G2E3: variants seen among roughly 807,000 people sequenced by gnomAD.
G2E3 encodes G2/M phase-specific E3 ubiquitin-protein ligase.
Under a neutral mutation model 92.8 loss-of-function variants are expected in G2E3, and 35 were observed. The ratio of observed to expected loss-of-function variants is 0.38; its 90% CI spans 0.29 to 0.50. The LOEUF (loss-of-function observed/expected upper bound fraction) is 0.50, where lower values mean the gene tolerates loss of function less well. Ranked by LOEUF, G2E3 falls within the 20% of genes least tolerant of loss-of-function variation. The probability of loss-of-function intolerance (pLI) is 0.94; values close to 1 mark genes in which losing one functional copy is unlikely to be tolerated. For missense variants in G2E3, 554 were observed against 823.8 expected (o/e 0.67, Z 4.01); for synonymous variants, 242 against 272.4 (o/e 0.89, Z 1.10).
intron 3 of G2E3, among the ~76,000 whole-genome samples, chr14:30,588,026 G>A (rs1880806542): frequency 6.6e-6 from 1 of 152,052 alleles, no homozygotes; most frequent in African/African-American, 2.4e-5. Context: ...AGTATTCCTT[G>A]GTCCTCTAAG....
At chr14:30,600,215 A>C (rs1216332866) in intron 8 of G2E3, among the ~76,000 whole-genome samples, 3 of 152,174 alleles carry the variant, frequency 2.0e-5, no homozygotes, top group Non-Finnish European at 4.4e-5. Flanking sequence ...GCTACTACTT[A>C]ATTGTGAAGA....
chr14:30,607,593 C>A (rs914032049), intron 11 of G2E3, among the ~76,000 whole-genome samples: 4 of 152,096 alleles, frequency 2.6e-5, no homozygotes, highest in Non-Finnish European at 5.9e-5. Flanking sequence ...TTTGGTCATT[C>A]TTGACCACAA....
intron 1 of G2E3, among the ~76,000 whole-genome samples, chr14:30,579,468 C>T (rs911207311): frequency 2.0e-5 from 3 of 152,234 alleles, no homozygotes; most frequent in South Asian, 2.1e-4. Flanking sequence ...AAATCCAAAA[C>T]ACTTTTTACA....
At chr14:30,601,590 A>G (rs1057179644) in intron 8 of G2E3, among the ~76,000 whole-genome samples, 180 bp from the exon 9 acceptor site, 10 of 152,168 alleles carry the variant, frequency 6.6e-5, no homozygotes, top group African/African-American at 1.7e-4. Flanking sequence ...GTGATAAGTT[A>G]GTTTTGGTTT....
At chr14:30,581,026 A>G (rs1226604906) in intron 1 of G2E3, 50 bp from the exon 2 acceptor site, 4 of 984,700 alleles carry the variant, frequency 4.1e-6, no homozygotes, top group Non-Finnish European at 6.5e-6. Context: ...AAAGTTGTTA[A>G]TTTGAGACTT....
intron 10 of G2E3, among the ~76,000 whole-genome samples, chr14:30,603,659 T>C (rs1473171010): frequency 6.6e-6 from 1 of 152,156 alleles, no homozygotes; most frequent in Non-Finnish European, 1.5e-5. Context: ...CTGGGCAATA[T>C]TACGAAACTC....
intron 8 of G2E3, 79 bp from the exon 9 acceptor site, chr14:30,601,691 G>T: frequency 7.2e-7 from 1 of 1,380,972 alleles, no homozygotes; most frequent in African/African-American, 1.4e-5. Context: ...GTGTAAGAAG[G>T]CAGGCCCTGT....
At chr14:30,571,703 A>G (rs1394666953) in intron 1 of G2E3, among the ~76,000 whole-genome samples, 1 of 152,042 alleles carries the variant, frequency 6.6e-6, no homozygotes, top group Non-Finnish European at 1.5e-5. Flanking sequence ...TTACCTTGGT[A>G]TCTTTGTTGA....
intron 8 of G2E3, 103 bp downstream of exon 8, chr14:30,598,702 T>G (rs1293946611): frequency 1.2e-6 from 1 of 807,588 alleles, no homozygotes; most frequent in African/African-American, 1.7e-5. Flanking sequence ...TCTTAGGATG[T>G]TAGAAGTTTA....
intron 1 of G2E3, among the ~76,000 whole-genome samples, chr14:30,568,314 C>T (rs1326017460): frequency 6.6e-6 from 1 of 152,062 alleles, no homozygotes; most frequent in Non-Finnish European, 1.5e-5. Flanking sequence ...ATATCTATAG[C>T]TTGACCCTAG....
chr14:30,590,413 G>C (rs773647604), intron 4 of G2E3: 1 of 251,428 alleles, frequency 4.0e-6, no homozygotes, highest in Non-Finnish European at 8.0e-6. Flanking sequence ...TAGGCTCAAA[G>C]GTCCAAATTT....
At chr14:30,601,152 A>G (rs1881550084) in intron 8 of G2E3, among the ~76,000 whole-genome samples, 1 of 152,208 alleles carries the variant, frequency 6.6e-6, no homozygotes, top group South Asian at 2.1e-4. Context: ...TTCTAAACAG[A>G]GAAGGCATAG....
At chr14:30,575,077 C>T (rs1463912024) in intron 1 of G2E3, among the ~76,000 whole-genome samples, 1 of 152,182 alleles carries the variant, frequency 6.6e-6, no homozygotes, top group East Asian at 1.9e-4. Flanking sequence ...CACAACCTTA[C>T]CCGCATCTGT....
intron 13 of G2E3, among the ~76,000 whole-genome samples, 173 bp from the exon 14 acceptor site, chr14:30,615,171 ATCTTC>A (rs537079277): frequency 1.3e-5 from 2 of 152,202 alleles, no homozygotes; most frequent in African/African-American, 4.8e-5. Context: ...GTATATCCAT[ATCTTC>A]TCTTTTTCCT....
At chr14:30,585,065 A>T (rs556172799) in intron 2 of G2E3, among the ~76,000 whole-genome samples, 40 of 152,070 alleles carry the variant, frequency 2.6e-4, no homozygotes, top group Non-Finnish European at 4.3e-4. Flanking sequence ...CGAACTCCTG[A>T]CCTTGTGATC....
At chr14:30,609,275 C>T (rs1027186962) in intron 12 of G2E3, among the ~76,000 whole-genome samples, 8 of 152,046 alleles carry the variant, frequency 5.3e-5, no homozygotes, top group African/African-American at 9.7e-5. Context: ...GTCTCTACTT[C>T]GTATTTCCTA....
intron 4 of G2E3, among the ~76,000 whole-genome samples, chr14:30,590,013 G>A (rs1050672694): frequency 6.6e-6 from 1 of 152,000 alleles, no homozygotes; most frequent in Non-Finnish European, 1.5e-5. Context: ...TCTAGGATAG[G>A]CATTCTAAAC....
At chr14:30,581,683 CAG>C (rs1442467381) in intron 2 of G2E3, among the ~76,000 whole-genome samples, 1 of 152,140 alleles carries the variant, frequency 6.6e-6, no homozygotes, top group Non-Finnish European at 1.5e-5. Flanking sequence ...GCCTAAGTGA[CAG>C]AGCGAGACCC....
intron 14 of G2E3, among the ~76,000 whole-genome samples, chr14:30,615,809 C>T (rs1023794167): frequency 1.3e-5 from 2 of 151,918 alleles, no homozygotes; most frequent in African/African-American, 4.8e-5. Context: ...TTATTGTCAC[C>T]GCATAGAACA....
Sources: gnomAD v4.1 joint callset for allele counts (sites outside exome capture counted in the v4.1 genomes callset) on GRCh38, gnomAD v4.1.1 for gene constraint, MANE v1.5 for transcripts, NCBI Gene and HGNC (gene_info 2026-07-23, HGNC 2026-07-21) for gene names.